The following ZCWPW2 variants were observed in gnomAD, a reference collection of about 807,000 sequenced individuals.
ZCWPW2 encodes zinc finger CW-type and PWWP domain containing 2.
In ZCWPW2, 45 loss-of-function variants were observed where a neutral mutation model predicts 46.6. The observed-to-expected ratio is 0.96, with a 90% CI of 0.76 to 1.24. ZCWPW2 has a LOEUF of 1.24. Among genes scored for constraint, ZCWPW2 ranks in the 50% most tolerant of loss-of-function variants. The probability of loss-of-function intolerance (pLI) is 0.00; values close to 1 mark genes in which losing one functional copy is unlikely to be tolerated. For synonymous variants in ZCWPW2, 152 were observed against 137.1 expected (o/e 1.11, Z -0.76); for missense variants, 429 against 403.9 (o/e 1.06, Z -0.53).
intron 1 of ZCWPW2, among the ~76,000 whole-genome samples, chr3:28,359,478 C>T (rs1201092761): frequency 6.6e-6 from 1 of 151,904 alleles, no homozygotes; most frequent in Non-Finnish European, 1.5e-5. Flanking sequence ...TCTTTGATTT[C>T]ATGGATAAAA....
intron 3 of ZCWPW2, among the ~76,000 whole-genome samples, chr3:28,428,667 A>G (rs4452283): frequency 0.23 from 34,409 of 152,118 alleles, 4,476 homozygotes; most frequent in Middle Eastern, 0.29. Context: ...CCAAACTGTA[A>G]TCTCCACGTG....
intron 4 of ZCWPW2, among the ~76,000 whole-genome samples, chr3:28,444,028 A>G (rs1174472434): frequency 1.3e-5 from 2 of 152,130 alleles, no homozygotes; most frequent in Non-Finnish European, 2.9e-5. Context: ...CAAATAAACT[A>G]TTAGAACCTT....
intron 1 of ZCWPW2, among the ~76,000 whole-genome samples, chr3:28,359,362 T>G (rs1473412505): frequency 1.3e-5 from 2 of 152,046 alleles, no homozygotes; most frequent in Non-Finnish European, 2.9e-5. Context: ...CAAAACACAG[T>G]ATAAAGAGTC....
chr3:28,429,457 G>A (rs1697154398), intron 3 of ZCWPW2, among the ~76,000 whole-genome samples: 1 of 152,146 alleles, frequency 6.6e-6, no homozygotes, highest in African/African-American at 2.4e-5. Flanking sequence ...GTTTGGAATT[G>A]GAATTTATGT....
At chr3:28,402,331 A>T (rs1695979089) in intron 2 of ZCWPW2, among the ~76,000 whole-genome samples, 2 of 152,130 alleles carry the variant, frequency 1.3e-5, no homozygotes, top group South Asian at 4.1e-4. Flanking sequence ...CCTAGAAGAG[A>T]TGGAAAAATT....
intron 2 of ZCWPW2, among the ~76,000 whole-genome samples, chr3:28,393,102 A>G (rs1695560830): frequency 6.6e-6 from 1 of 152,106 alleles, no homozygotes; most frequent in African/African-American, 2.4e-5. Flanking sequence ...AAAATAAGAA[A>G]TGAAAAAGGA....
intron 5 of ZCWPW2, among the ~76,000 whole-genome samples, chr3:28,487,345 A>G (rs1210343000): frequency 1.3e-5 from 2 of 151,934 alleles, no homozygotes; most frequent in Non-Finnish European, 2.9e-5. Context: ...TTTTATTGAT[A>G]TATCCTGAAG....
intron 8 of ZCWPW2, among the ~76,000 whole-genome samples, chr3:28,516,255 C>CAATAAATAAATAAATAAATA (rs56931163): frequency 2.9e-5 from 4 of 140,126 alleles, no homozygotes; most frequent in Non-Finnish European, 6.1e-5. Context: ...GATTCCCTCT[C>CAATAAATAAATAAATAAATA]AATAAATAAA....
intron 1 of ZCWPW2, among the ~76,000 whole-genome samples, chr3:28,364,420 T>A (rs1705050056): frequency 6.6e-6 from 1 of 152,142 alleles, no homozygotes; most frequent in South Asian, 2.1e-4. Flanking sequence ...GCTATAAACA[T>A]ACGTGTGTAA....
At chr3:28,354,005 T>A (rs1462935511) in intron 1 of ZCWPW2, among the ~76,000 whole-genome samples, 1 of 152,198 alleles carries the variant, frequency 6.6e-6, no homozygotes, top group African/African-American at 2.4e-5. Flanking sequence ...TTTGACAAAT[T>A]ATTGAGCACC....
Position 28,478,937 on chromosome 3 carries a change from T to A in ZCWPW2, c.610+6T>A. On this transcript the variant is annotated splice_donor_region_variant and intron_variant, in intron 5 of 9. Transcript: ENST00000383768. ...CTGCCTATCAAAACTACAAGGTGTA[T>A]AAATATTTTTTCTTTATTACTCTGA... 1 of 1,524,082 alleles carries A rather than the reference T, an allele frequency of 6.6e-7. No homozygotes were observed. The highest frequency in any genetic ancestry group is 8.9e-7 in the Non-Finnish European group (1 of 1,128,444). The allele number at this position is 1,524,082 out of a possible 1,614,324, so 94.4% of individuals were successfully genotyped here.
intron 4 of ZCWPW2, among the ~76,000 whole-genome samples, chr3:28,451,159 A>G (rs958447290): frequency 1.3e-5 from 2 of 152,196 alleles, no homozygotes; most frequent in Admixed American, 6.5e-5. Flanking sequence ...GATGACTCCA[A>G]TAACAAAAAG....
intron 4 of ZCWPW2, among the ~76,000 whole-genome samples, chr3:28,471,347 A>G (rs1424147757): frequency 2.0e-5 from 3 of 152,190 alleles, no homozygotes; most frequent in Non-Finnish European, 4.4e-5. Context: ...CTGATGCAAA[A>G]ATCCTCAACA....
chr3:28,368,145 A>G (rs1705189328), intron 1 of ZCWPW2, among the ~76,000 whole-genome samples: 1 of 152,106 alleles, frequency 6.6e-6, no homozygotes, highest in Non-Finnish European at 1.5e-5. Context: ...GTCCATTTAC[A>G]TTTAAGGTTA....
At chr3:28,510,332 T>C (rs959827840) in intron 6 of ZCWPW2, among the ~76,000 whole-genome samples, 1 of 152,204 alleles carries the variant, frequency 6.6e-6, no homozygotes, top group African/African-American at 2.4e-5. Context: ...ACTTTGTGAC[T>C]TACTTTGGCC....
intron 4 of ZCWPW2, among the ~76,000 whole-genome samples, chr3:28,458,547 C>T (rs1442019187): frequency 6.6e-6 from 1 of 152,158 alleles, no homozygotes; most frequent in Non-Finnish European, 1.5e-5. Flanking sequence ...GGTTAAGTGA[C>T]TTGCCTGAGG....
chr3:28,478,474 G>A (rs1217712071), intron 4 of ZCWPW2: 1 of 163,248 alleles, frequency 6.1e-6, no homozygotes, highest in African/African-American at 2.4e-5. Context: ...TAATTGCTAT[G>A]TTTTTTAAAA....
intron 4 of ZCWPW2, among the ~76,000 whole-genome samples, chr3:28,471,634 G>A (rs892353726): frequency 5.9e-5 from 9 of 152,142 alleles, no homozygotes; most frequent in Non-Finnish European, 1.3e-4. Context: ...CAGCTGGTAT[G>A]TATCATACTG....
intron 1 of ZCWPW2, among the ~76,000 whole-genome samples, chr3:28,369,638 C>T (rs929068783): frequency 8.5e-5 from 13 of 152,326 alleles, no homozygotes; most frequent in African/African-American, 2.4e-4. Context: ...TGTCCGTTCT[C>T]AGATCTCCAG....
Sources: gnomAD v4.1 joint callset for allele counts (sites outside exome capture counted in the v4.1 genomes callset) on GRCh38, gnomAD v4.1.1 for gene constraint, MANE v1.5 for transcripts, NCBI Gene and HGNC (gene_info 2026-07-23, HGNC 2026-07-21) for gene names.